Variants in OTUB1 observed in about 807,000 individuals in gnomAD.
OTUB1 encodes the protein ubiquitin thioesterase OTUB1.
In OTUB1, 10 loss-of-function variants were observed where a neutral mutation model predicts 35.8. The observed-to-expected ratio is 0.28, with a 90% CI of 0.17 to 0.47. OTUB1 has a LOEUF of 0.47. OTUB1 is among the 20% of genes least tolerant of loss of function. The pLI is 0.99. For missense variants in OTUB1, 264 were observed against 351.6 expected, an observed-to-expected ratio of 0.75 and a Z score of 1.99; for synonymous variants, 158 against 143.8, an observed-to-expected ratio of 1.10 and a Z score of -0.71.
At chr11:63,993,459 C>T (rs1312787392) in intron 3 of OTUB1, among the ~76,000 whole-genome samples, 1 of 151,934 alleles carries the variant, frequency 6.6e-6, no homozygotes, top group Non-Finnish European at 1.5e-5. Flanking sequence ...GGCAGGAGTT[C>T]AAAACCAGCC....
intron 3 of OTUB1, among the ~76,000 whole-genome samples, chr11:63,993,569 C>G (rs1746627931): frequency 6.7e-6 from 1 of 150,370 alleles, no homozygotes; most frequent in African/African-American, 2.4e-5. Context: ...GAGGCTGAGA[C>G]AGGAGAATTG....
chr11:63,997,003 C>G (rs1029586399), intron 5 of OTUB1, 47 bp from the exon 6 acceptor site: 6 of 1,610,510 alleles, frequency 3.7e-6, no homozygotes, highest in Non-Finnish European at 4.2e-6. Flanking sequence ...GTGAGGACCA[C>G]CCATCTCCTC....
At chr11:63,986,723 G>C (rs2134303627) in intron 1 of OTUB1, 3 of 543,294 alleles carry the variant, frequency 5.5e-6, no homozygotes, top group South Asian at 4.9e-5. Flanking sequence ...CGGGCGAGGC[G>C]GGCCAAGGCC....
intron 3 of OTUB1, among the ~76,000 whole-genome samples, chr11:63,995,961 C>T (rs1207731693): frequency 2.6e-5 from 4 of 152,044 alleles, no homozygotes; most frequent in East Asian, 1.9e-4. Context: ...GAGCCGAGAT[C>T]GCGCCACTGC....
chr11:63,990,509 G>A (rs1221007451), intron 3 of OTUB1: 2 of 151,282 alleles, frequency 1.3e-5, no homozygotes, highest in Non-Finnish European at 2.9e-5. Context: ...GCGGTTGGAG[G>A]ATCACTTGAG....
chr11:63,996,499 T>G, intron 3 of OTUB1, 31 bp from the exon 4 acceptor site: 1 of 1,612,368 alleles, frequency 6.2e-7, no homozygotes. Context: ...TGGCCTGATG[T>G]TAACCTGTCG....
intron 3 of OTUB1, among the ~76,000 whole-genome samples, chr11:63,995,356 C>T (rs1049938529): frequency 2.6e-5 from 4 of 152,092 alleles, no homozygotes; most frequent in Non-Finnish European, 4.4e-5. Context: ...ACCACCATGC[C>T]GAGCTAATTT....
rs748068381 is a variant in OTUB1, at chr11:63,997,498, G to C, written c.768G>C (p.Lys256Asn). Residue 256 changes from lysine (K) to asparagine (N), a missense_variant, in exon 7 of 7, where the codon AAG becomes AAC. Coordinates refer to ENST00000538426, the MANE Select transcript of OTUB1 (RefSeq NM_017670.3). ...PHIFPEGSEP[K>N]VYLLYRPGHY... Reference sequence around the variant, plus strand: ...TCTTCCCTGAGGGCTCCGAGCCCAAGGTCTACCTTCTCTACCGGCCTGGAC... The same window carrying C: ...TCTTCCCTGAGGGCTCCGAGCCCAACGTCTACCTTCTCTACCGGCCTGGAC... The C allele has an allele frequency of 1.2e-6, 2 of 1,614,128 alleles. No homozygotes were observed. The highest frequency in any genetic ancestry group is 3.3e-4 in the Middle Eastern group (2 of 6,062).
At chr11:63,990,278 A>G (rs1241782752) in intron 3 of OTUB1, 1 of 152,070 alleles carries the variant, frequency 6.6e-6, no homozygotes, top group Non-Finnish European at 1.5e-5. Context: ...TTCACCACCC[A>G]CTTTCTAGGT....
chr11:63,995,181 G>T (rs1317199699), intron 3 of OTUB1, among the ~76,000 whole-genome samples: 1 of 152,106 alleles, frequency 6.6e-6, no homozygotes, highest in Non-Finnish European at 1.5e-5. Flanking sequence ...ACCACAGGAT[G>T]CACCACCATG....
At chr11:63,991,853 CATG>C (rs1942675557) in intron 3 of OTUB1, among the ~76,000 whole-genome samples, 1 of 152,168 alleles carries the variant, frequency 6.6e-6, no homozygotes, top group African/African-American at 2.4e-5. Flanking sequence ...GGTGGAAAGA[CATG>C]ATAAGCCAAA....
intron 5 of OTUB1, 22 bp from the exon 6 acceptor site, chr11:63,997,028 C>T (rs1468833409): frequency 6.2e-7 from 1 of 1,612,644 alleles, no homozygotes; most frequent in East Asian, 2.2e-5. Context: ...TCATCTTGCC[C>T]TTTCTCCCTC....
intron 2 of OTUB1, 24 bp from the exon 3 acceptor site, chr11:63,988,630 A>T (rs748789116): frequency 1.3e-6 from 2 of 1,566,176 alleles, no homozygotes; most frequent in South Asian, 2.2e-5. Context: ...CTGCTAGGAC[A>T]TGACAGATCC....
At chr11:63,995,009 G>A (rs1942704043) in intron 3 of OTUB1, among the ~76,000 whole-genome samples, 1 of 152,110 alleles carries the variant, frequency 6.6e-6, no homozygotes, top group Non-Finnish European at 1.5e-5. Context: ...GGGAAAAATT[G>A]ATGATGGGGG....
intron 3 of OTUB1, among the ~76,000 whole-genome samples, chr11:63,991,108 A>G (rs936502166): frequency 4.6e-5 from 7 of 152,156 alleles, no homozygotes; most frequent in Non-Finnish European, 8.8e-5. Context: ...GTGGAGCCTG[A>G]TGGGCCTGGG....
intron 3 of OTUB1, chr11:63,990,673 G>GT (rs1219570437): frequency 6.6e-6 from 1 of 152,142 alleles, no homozygotes; most frequent in Non-Finnish European, 1.5e-5. Context: ...CAGTGTAGGT[G>GT]TTTAGTAAAT....
Position 63,997,790 on chromosome 11 carries a change from C to G in OTUB1, c.*244C>G. 1.4e-6 allele frequency: 1 copy of G among 700,508 alleles called. No individual in the cohort carries two copies. The highest frequency in any genetic ancestry group is 2.6e-6 in the Non-Finnish European group (1 of 384,826). 43.4% of individuals were successfully genotyped at this position (700,508 alleles called of 1,614,324 possible). A position where few individuals can be genotyped will look rare whatever the true frequency, so the allele number is the denominator to read the frequency against. On this transcript the variant is annotated 3_prime_UTR_variant, in exon 7 of 7. Coordinates refer to ENST00000538426, the MANE Select transcript of OTUB1 (RefSeq NM_017670.3). ...CCAGGTGGGTCCCCCTGCTTTTCAC[C>G]TATCTACTCCTGAGCTTCCCCAACA...
Position 63,997,498 on chromosome 11 carries a change from G to A in OTUB1, c.768G>A (p.Lys256=), listed in dbSNP as rs748068381. The change falls in exon 7 of 7, where the codon AAG becomes AAA. Residue 256 remains lysine (K), a synonymous_variant. Transcript: ENST00000538426. ...TCTTCCCTGAGGGCTCCGAGCCCAA[G>A]GTCTACCTTCTCTACCGGCCTGGAC... ...PHIFPEGSEP[K]VYLLYRPGHY... is the part of the protein sequence containing the mutation. The A allele has an allele frequency of 3.1e-6, 5 of 1,614,010 alleles. No homozygotes were observed. Among genetic ancestry groups the A allele is most frequent in the African/African-American group, 2.7e-5 (2 of 74,928 alleles).
At chr11:63,995,761 G>A (rs1942711140) in intron 3 of OTUB1, among the ~76,000 whole-genome samples, 1 of 151,998 alleles carries the variant, frequency 6.6e-6, no homozygotes, top group Admixed American at 6.6e-5. Flanking sequence ...TGGGGGCTGA[G>A]GAAAAAAGAC....
Sources: gnomAD v4.1 joint callset for allele counts (sites outside exome capture counted in the v4.1 genomes callset) on GRCh38, gnomAD v4.1.1 for gene constraint, MANE v1.5 for transcripts, NCBI Gene and HGNC (gene_info 2026-07-23, HGNC 2026-07-21) for gene names.